FOXP2: variants seen among roughly 807,000 people sequenced by gnomAD.
FOXP2 encodes the protein forkhead box protein P2.
A neutral mutation model predicts 115.8 loss-of-function variants in FOXP2; 12 were observed. The observed-to-expected ratio is 0.10, with a 90% CI of 0.07 to 0.17. FOXP2 has a LOEUF of 0.17. FOXP2 is among the 10% of genes least tolerant of loss of function. The probability of loss-of-function intolerance (pLI) is 1.00; values close to 1 mark genes in which losing one functional copy is unlikely to be tolerated. For synonymous variants in FOXP2, 328 were observed against 297.7 expected (o/e 1.10, Z -1.05); for missense variants, 629 against 843.5 (o/e 0.75, Z 3.15).
At position 114,212,480 on chromosome 7, in the gene FOXP2, C is replaced by T. The variant is rs979445158; in HGVS notation, c.-102+49392C>T. Among the ~76,000 whole-genome samples the T allele has an allele frequency of 5.3e-5, 8 of 151,504 alleles. No individual in the cohort carries two copies. In the South Asian group the frequency reaches 1.3e-3, roughly 24 times the overall value. On this transcript the variant is annotated intron_variant, in intron 1 of 17. Transcript: ENST00000634411. ...GGCTTTGTGAGAATCAGAATCATAC[C>T]TAAAATTTCATTTTTCCATTGAGGT...
intron 2 of FOXP2, among the ~76,000 whole-genome samples, chr7:114,485,758 A>T (rs149189126): frequency 4.8e-4 from 73 of 152,246 alleles, no homozygotes; most frequent in Middle Eastern, 6.8e-3. Flanking sequence ...ACCCTTTGAG[A>T]TGAGTACTGT....
At chr7:114,362,945 A>C (rs960116480) in intron 2 of FOXP2, among the ~76,000 whole-genome samples, 2 of 152,036 alleles carry the variant, frequency 1.3e-5, no homozygotes, top group African/African-American at 4.8e-5. Flanking sequence ...GAAGTCTATA[A>C]TTGACATAGC....
rs183757582 is a variant in FOXP2, at chr7:114,232,595, C to A, written c.-101-55424C>A. Among the ~76,000 whole-genome samples the A allele has an allele frequency of 2.6e-3, 395 of 152,158 alleles. 3 individuals carry two copies. The highest frequency in any genetic ancestry group is 9.2e-3 in the African/African-American group (380 of 41,520). ...TTGGGAGGCTTAGGCGGGCGGATCA[C>A]CTGAGGTCAGGAGTTCGAGACCAGC... On this transcript the variant is annotated intron_variant, in intron 1 of 17. Coordinates refer to the FOXP2 transcript ENST00000634411.
chr7:114,222,426 A>G lies in FOXP2; in HGVS notation c.-102+59338A>G, dbSNP rs184384265. Among the ~76,000 whole-genome samples, 625 of 152,298 alleles carry G rather than the reference A, an allele frequency of 4.1e-3. 2 individuals are homozygous for G. The highest frequency in any genetic ancestry group is 0.014 in the African/African-American group (578 of 41,570). ...CAGCCTCCCAAAATGCTGGGATTAC[A>G]GGCATCAGCCACTGTGCCCTGCCTA... On this transcript the variant is annotated intron_variant, in intron 1 of 17. Coordinates refer to the FOXP2 transcript ENST00000634411.
chr7:114,340,498 T>C (rs1791175292), intron 2 of FOXP2, among the ~76,000 whole-genome samples: 1 of 151,188 alleles, frequency 6.6e-6, no homozygotes, highest in African/African-American at 2.4e-5. Flanking sequence ...TTAATTTTGG[T>C]CTTAAAATTC....
chr7:114,452,164 G>A (rs899360174), intron 2 of FOXP2, among the ~76,000 whole-genome samples: 1 of 151,822 alleles, frequency 6.6e-6, no homozygotes, highest in Non-Finnish European at 1.5e-5. Flanking sequence ...CTGGCAGTGA[G>A]CCTTTGTGAT....
intron 8 of FOXP2, among the ~76,000 whole-genome samples, chr7:114,647,375 ATATT>A (rs1217569293): frequency 6.6e-6 from 1 of 151,138 alleles, no homozygotes; most frequent in Non-Finnish European, 1.5e-5. Context: ...TATATTATAT[ATATT>A]TATGTATCGT....
Position 114,497,604 on chromosome 7 carries a change from G to A in FOXP2, c.169-37013G>A, listed in dbSNP as rs546969950. Among the ~76,000 whole-genome samples, 14 of 152,038 alleles carry A rather than the reference G, an allele frequency of 9.2e-5. No individual in the cohort carries two copies. The South Asian group carries it at 1.0e-3, about 11-fold the overall frequency. Reference sequence around the variant, plus strand: ...GCAGAGATTGCAGTGAGCTGAGACCGTGCCACTGCACTCTATCTAGCCTGG... The same window carrying A: ...GCAGAGATTGCAGTGAGCTGAGACCATGCCACTGCACTCTATCTAGCCTGG... On this transcript the variant is annotated intron_variant, in intron 2 of 16. Transcript: ENST00000350908.
chr7:114,478,517 A>G (rs1008268426), intron 2 of FOXP2, among the ~76,000 whole-genome samples: 1 of 151,856 alleles, frequency 6.6e-6, no homozygotes, highest in Admixed American at 6.6e-5. Flanking sequence ...CCTGAGAAAG[A>G]TGAGACTGAA....
At position 114,295,209 on chromosome 7, in the gene FOXP2, T is replaced by C. The variant is rs1156534857; in HGVS notation, c.-11+7100T>C. Among the ~76,000 whole-genome samples, 25 of 152,212 alleles carry C rather than the reference T, an allele frequency of 1.6e-4. 1 individual carries two copies. The highest frequency in any genetic ancestry group is 1.2e-3 in the Admixed American group (18 of 15,274). ...GTACCCTTTTAATGGTCTTATTTGCTGGGAAGTGCACCATTACAATAATCT... is the reference window on the plus strand; with the variant it reads ...GTACCCTTTTAATGGTCTTATTTGCCGGGAAGTGCACCATTACAATAATCT... On this transcript the variant is annotated intron_variant, in intron 2 of 17. Coordinates refer to the FOXP2 transcript ENST00000634411.
At chr7:114,154,962 T>A (rs1304002541) in intron 1 of FOXP2, among the ~76,000 whole-genome samples, 1 of 152,084 alleles carries the variant, frequency 6.6e-6, no homozygotes, top group African/African-American at 2.4e-5. Flanking sequence ...ACAATCTACG[T>A]TATGTCAGGT....
chr7:114,186,976 T>A (rs982067120), intron 1 of FOXP2, among the ~76,000 whole-genome samples: 7 of 152,212 alleles, frequency 4.6e-5, no homozygotes, highest in Non-Finnish European at 8.8e-5. Flanking sequence ...CCTGGGTTTC[T>A]CTTTCAAAGC....
At chr7:114,641,767 A>G (rs911552220) in intron 6 of FOXP2, among the ~76,000 whole-genome samples, 1 of 151,712 alleles carries the variant, frequency 6.6e-6, no homozygotes, top group Non-Finnish European at 1.5e-5. Context: ...GAATAGTTCA[A>G]TTTTTATTTG....
At chr7:114,466,399 G>A (rs375207630) in intron 2 of FOXP2, among the ~76,000 whole-genome samples, 2 of 152,070 alleles carry the variant, frequency 1.3e-5, no homozygotes, top group Non-Finnish European at 2.9e-5. Context: ...TTGTTCAGAT[G>A]TCTAAGTATC....
At chr7:114,596,702 T>G (rs1319716443) in intron 3 of FOXP2, among the ~76,000 whole-genome samples, 1 of 152,130 alleles carries the variant, frequency 6.6e-6, no homozygotes, top group African/African-American at 2.4e-5. Context: ...AAAAGACTTG[T>G]CTGATAAAGC....
chr7:114,505,928 C>A (rs1180968479), intron 2 of FOXP2, among the ~76,000 whole-genome samples: 2 of 151,580 alleles, frequency 1.3e-5, no homozygotes, highest in Non-Finnish European at 3.0e-5. Context: ...TTGTAGCGTA[C>A]TGTTTCTTGA....
At chr7:114,633,423 G>A (rs1275390637) in intron 6 of FOXP2, among the ~76,000 whole-genome samples, 1 of 152,038 alleles carries the variant, frequency 6.6e-6, no homozygotes, top group Non-Finnish European at 1.5e-5. Context: ...ATGAGAAAAT[G>A]GCGAACATTT....
intron 3 of FOXP2, among the ~76,000 whole-genome samples, chr7:114,591,872 T>A (rs1802453223): frequency 6.6e-6 from 1 of 152,052 alleles, no homozygotes. Context: ...ATATCTGTGG[T>A]GTCCAACAGA....
At chr7:114,285,652 G>A (rs535713809) in intron 1 of FOXP2, among the ~76,000 whole-genome samples, 12 of 152,114 alleles carry the variant, frequency 7.9e-5, no homozygotes, top group Admixed American at 5.9e-4. Context: ...TCAACACTGC[G>A]CAGAATTCAT....
Sources: gnomAD v4.1 joint callset for allele counts (sites outside exome capture counted in the v4.1 genomes callset) on GRCh38, gnomAD v4.1.1 for gene constraint, MANE v1.5 for transcripts, NCBI Gene and HGNC (gene_info 2026-07-23, HGNC 2026-07-21) for gene names.